The following ZNF99 variants were observed in gnomAD, a reference collection of about 807,000 sequenced individuals.
ZNF99 encodes the protein zinc finger protein 99.
ZNF99 carries 8 observed loss-of-function variants against 12.8 expected under a neutral mutation model. The observed-to-expected ratio is 0.62, with a 90% CI of 0.37 to 1.13. ZNF99 has a LOEUF of 1.13. ZNF99 is among the 50% of genes most tolerant of loss of function. ZNF99 has a pLI of 0.02. For synonymous variants in ZNF99, 318 were observed against 319.0 expected (o/e 1.00, Z 0.03); for missense variants, 1,007 against 1,006.2 (o/e 1.00, Z -0.01).
In ZNF99 at chr19:22,755,044, G is replaced by C. The variant is rs1973029590; in HGVS notation, c.*2270C>G. 2 of 164,512 alleles carry C rather than the reference G, an allele frequency of 1.2e-5. No homozygotes were observed. The highest frequency in any genetic ancestry group is 1.3e-4 in the Admixed American group (2 of 15,596). The allele number at this position is 164,512 out of a possible 1,614,324, so 10.2% of individuals were successfully genotyped here. A position where few individuals can be genotyped will look rare whatever the true frequency, so the allele number is the denominator to read the frequency against. On this transcript the variant is annotated 3_prime_UTR_variant, in exon 4 of 4. Transcript: ENST00000596209. ...CGAGATTGTGCCACTGCACTCCAGA[G>C]CCTGGGCAACTAGGGCGAAACTCTG... is the stretch of plus-strand genomic sequence containing the variant.
chr19:22,755,722 ATTATC>A lies in ZNF99; in HGVS notation c.*1587_*1591del, dbSNP rs1973041770. On this transcript the variant is annotated 3_prime_UTR_variant, in exon 4 of 4. Transcript: ENST00000596209. Reference sequence around the variant, plus strand: ...TTTGCAGTGTTTGTCTCTACTATGAATTATCTTATGTTCAGTAAGATTTGAGGACT... The same window carrying A: ...TTTGCAGTGTTTGTCTCTACTATGAATTATGTTCAGTAAGATTTGAGGACT... The A allele has an allele frequency of 3.3e-6, 1 of 302,008 alleles. No individual in the cohort carries two copies. The highest frequency in any genetic ancestry group is 4.3e-5 in the Admixed American group (1 of 23,050). The allele number at this position is 302,008 out of a possible 1,614,324, so 18.7% of individuals were successfully genotyped here.
intron 1 of ZNF99, among the ~76,000 whole-genome samples, chr19:22,781,273 A>G (rs1973384111): frequency 6.6e-6 from 1 of 152,078 alleles, no homozygotes; most frequent in Non-Finnish European, 1.5e-5. Context: ...CCAATCACTT[A>G]AGAGATTCTC....
Position 22,752,639 on chromosome 19 carries a change from A to G in ZNF99, c.*4675T>C, listed in dbSNP as rs1477814957. The G allele has an allele frequency of 6.6e-6, 1 of 152,132 alleles. No individual in the cohort carries two copies. The highest frequency in any genetic ancestry group is 2.4e-5 in the African/African-American group (1 of 41,442). 9.4% of individuals were successfully genotyped at this position (152,132 alleles called of 1,614,324 possible). On this transcript the variant is annotated 3_prime_UTR_variant, in exon 4 of 4. Transcript: ENST00000596209. The stretch of plus-strand genomic sequence containing the variant: ...TAAACTGTTGCCATCTCTTACCTAC[A>G]CCCTTGAGTAAGGTGGGATAGGTTA...
intron 1 of ZNF99, among the ~76,000 whole-genome samples, chr19:22,783,150 G>T (rs1489388836): frequency 6.6e-6 from 1 of 151,942 alleles, no homozygotes; most frequent in African/African-American, 2.4e-5. Context: ...TGTGGTGGCG[G>T]ATGCCTGTAA....
chr19:22,773,667 AT>A (rs1318269257), intron 1 of ZNF99, among the ~76,000 whole-genome samples: 1 of 152,062 alleles, frequency 6.6e-6, no homozygotes, highest in Admixed American at 6.6e-5. Flanking sequence ...CTTTTTGGCT[AT>A]TTATATTTTA....
chr19:22,770,408 G>A (rs1292825278), intron 1 of ZNF99: 1 of 152,406 alleles, frequency 6.6e-6, no homozygotes, highest in African/African-American at 2.5e-5. Context: ...CAAGGCTGGA[G>A]TGCAGTGGCG....
intron 1 of ZNF99, among the ~76,000 whole-genome samples, chr19:22,773,046 C>T (rs1291391955): frequency 1.3e-5 from 2 of 152,176 alleles, no homozygotes; most frequent in East Asian, 1.9e-4. Context: ...CGGCTGTTTG[C>T]TGCCCTGTGA....
At chr19:22,767,631 T>C (rs1464404870) in intron 3 of ZNF99, among the ~76,000 whole-genome samples, 2 of 152,010 alleles carry the variant, frequency 1.3e-5, no homozygotes, top group African/African-American at 4.8e-5. Flanking sequence ...AATATTGACA[T>C]AGGTGAAGCA....
rs1187120272 is a variant in ZNF99 at position 22,759,298 on chromosome 19, T to G, written c.611A>C (p.Glu204Ala). ...CCATTTAAAGGCTTTGCCACGTTCT[T>G]CACATTTGTAGATATTCTCTCTAGT... ...IHTRENIYKC[E>A]ERGKAFKWFS... Residue 204 changes from glutamate (E) to alanine (A), a missense_variant, in exon 4 of 4, where the codon GAA becomes GCA. Transcript: ENST00000596209. 2 of 1,549,792 alleles carry G rather than the reference T, an allele frequency of 1.3e-6. No homozygotes were observed. Among genetic ancestry groups the G allele is most frequent in the African/African-American group, 2.7e-5 (2 of 72,998 alleles).
chr19:22,758,466 G>C lies in ZNF99; in HGVS notation c.1443C>G (p.Tyr481Ter), dbSNP rs375353266. ...AAGCTTTACCACATTCTTCACATTTGTAGGGTTTCTCTCCAGTATGAATTA... is the reference window on the plus strand; with the variant it reads ...AAGCTTTACCACATTCTTCACATTTCTAGGGTTTCTCTCCAGTATGAATTA... ...HEIIHTGEKP[Y>*]KCEECGKAFK... The change falls in exon 4 of 4, where the codon TAC becomes TAG. Residue 481 changes from tyrosine (Y) to a stop codon, truncating the protein, a stop_gained. Transcript: ENST00000596209. LOFTEE classifies it low-confidence loss of function (END_TRUNC). 6.2e-7 allele frequency: 1 copy of C among 1,613,322 alleles called. No homozygotes were observed. Among genetic ancestry groups the C allele is most frequent in the South Asian group, 1.1e-5 (1 of 91,048 alleles).
intron 1 of ZNF99, among the ~76,000 whole-genome samples, chr19:22,783,648 A>T (rs528989557): frequency 6.6e-6 from 1 of 152,148 alleles, no homozygotes; most frequent in East Asian, 1.9e-4. Context: ...GGGACTGGAA[A>T]CCTCACTGGA....
intron 3 of ZNF99, among the ~76,000 whole-genome samples, chr19:22,764,138 A>T (rs1466900987): frequency 2.6e-5 from 4 of 151,724 alleles, no homozygotes; most frequent in Admixed American, 1.3e-4. Flanking sequence ...TGAACTCCTG[A>T]CCTCATGATC....
At chr19:22,767,987 A>T (rs574903447) in intron 3 of ZNF99, among the ~76,000 whole-genome samples, 18 of 152,318 alleles carry the variant, frequency 1.2e-4, no homozygotes, top group African/African-American at 4.1e-4. Flanking sequence ...ATAGTTTCTC[A>T]AAACTATACA....
intron 3 of ZNF99, among the ~76,000 whole-genome samples, chr19:22,767,370 AC>A (rs1387358934): frequency 2.0e-5 from 3 of 152,202 alleles, no homozygotes; most frequent in Non-Finnish European, 4.4e-5. Context: ...TCTACAAGAG[AC>A]CAATTTTAGC....
intron 3 of ZNF99, among the ~76,000 whole-genome samples, chr19:22,764,499 T>C (rs933556828): frequency 8.6e-5 from 13 of 152,036 alleles, no homozygotes; most frequent in African/African-American, 3.1e-4. Context: ...GGGACTTAAT[T>C]AAACTAAAGA....
At chr19:22,766,075 T>C (rs920251255) in intron 3 of ZNF99, among the ~76,000 whole-genome samples, 3 of 151,740 alleles carry the variant, frequency 2.0e-5, no homozygotes, top group Admixed American at 1.3e-4. Context: ...CTTGAAAATA[T>C]AGAAATATAG....
At chr19:22,781,771 T>C (rs1973390394) in intron 1 of ZNF99, among the ~76,000 whole-genome samples, 1 of 152,150 alleles carries the variant, frequency 6.6e-6, no homozygotes, top group Admixed American at 6.6e-5. Context: ...CAGGAGCTGA[T>C]ATTCACTAGA....
chr19:22,755,970 A>T lies in ZNF99; in HGVS notation c.*1344T>A. On this transcript the variant is annotated 3_prime_UTR_variant, in exon 4 of 4. Transcript: ENST00000596209. ...TATATTTGTAGGGTTTTCCTCCAGT[A>T]TCAATTATTTTATGTGTATTTAAGG... The T allele has an allele frequency of 1.9e-6, 1 of 536,626 alleles. No homozygotes were observed. Among genetic ancestry groups the T allele is most frequent in the Non-Finnish European group, 3.3e-6 (1 of 305,710 alleles). The allele number at this position is 536,626 out of a possible 1,614,324, so 33.2% of individuals were successfully genotyped here.
chr19:22,783,926 G>C lies in ZNF99; in HGVS notation c.3+88C>G. 26 of 1,540,642 alleles carry C rather than the reference G, an allele frequency of 1.7e-5. No individual in the cohort carries two copies. In the South Asian group the frequency reaches 2.9e-4, roughly 17 times the overall value. ...GGGCGCAGACTGTGGAGCTCACTGA[G>C]GGGAGGCCTGAGTCCCGCCACAGCC... On this transcript the variant is annotated intron_variant, in intron 1 of 3. Coordinates refer to ENST00000596209, the MANE Select transcript of ZNF99 (RefSeq NM_001080409.3).
Sources: allele counts gnomAD v4.1 joint callset (sites outside exome capture counted in the v4.1 genomes callset), GRCh38; gene constraint gnomAD v4.1.1; transcripts MANE v1.5; gene names NCBI Gene and HGNC (gene_info 2026-07-23, HGNC 2026-07-21).